Variants in GFRA2 observed in about 807,000 individuals in gnomAD.
GFRA2 encodes GDNF family receptor alpha 2.
A neutral mutation model predicts 48.3 loss-of-function variants in GFRA2; 17 were observed. The observed-to-expected ratio is 0.35, with a 90% CI of 0.24 to 0.53. The LOEUF is 0.53. GFRA2 is among the 20% of genes least tolerant of loss of function. The pLI is 0.93. For missense variants in GFRA2, 660 were observed against 637.3 expected, an observed-to-expected ratio of 1.04 and a Z score of -0.38; for synonymous variants, 305 against 257.2, an observed-to-expected ratio of 1.19 and a Z score of -1.78.
Position 21,693,243 on chromosome 8 carries a change from A to G in GFRA2, c.*35T>C, listed in dbSNP as rs370587230. ...GTCAGGCGGCTGTTCTTGTCTGCGTAGCTTTCAAAAATATTCTGACTCGGT... is the reference window on the plus strand; with the variant it reads ...GTCAGGCGGCTGTTCTTGTCTGCGTGGCTTTCAAAAATATTCTGACTCGGT... On this transcript the variant is annotated 3_prime_UTR_variant, in exon 9 of 9. Coordinates refer to ENST00000524240, the MANE Select transcript of GFRA2 (RefSeq NM_001495.5). 8.4e-5 allele frequency: 134 copies of G among 1,590,690 alleles called. No individual in the cohort carries two copies. Among genetic ancestry groups the G allele is most frequent in the Non-Finnish European group, 1.1e-4 (129 of 1,165,108 alleles).
At chr8:21,792,158 G>A (rs998123952), upstream of GFRA2, among the ~76,000 whole-genome samples, 612 of 152,312 alleles carry the variant, frequency 4.0e-3, 15 homozygotes, top group Admixed American at 0.037. Flanking sequence ...TATGGAGTGG[G>A]TTCTCTGGAT....
At chr8:21,751,972 A>G (rs906280537) in intron 3 of GFRA2, among the ~76,000 whole-genome samples, 1 of 151,982 alleles carries the variant, frequency 6.6e-6, no homozygotes, top group Admixed American at 6.6e-5. Flanking sequence ...TCGGCGTTCA[A>G]CTCCTGGCCC....
chr8:21,779,263 G>T (rs941722933), intron 2 of GFRA2, among the ~76,000 whole-genome samples: 43 of 152,324 alleles, frequency 2.8e-4, no homozygotes, highest in African/African-American at 1.0e-3. Context: ...AAGGGGCCTT[G>T]AAAACCACAC....
chr8:21,726,144 A>G (rs1035540028), intron 4 of GFRA2, among the ~76,000 whole-genome samples: 27 of 151,966 alleles, frequency 1.8e-4, no homozygotes, highest in African/African-American at 6.5e-4. Flanking sequence ...GGTGGACTCC[A>G]CCCCACCGTC....
At chr8:21,700,257 A>ACACGGGCCGGG (rs111558863) in intron 7 of GFRA2, among the ~76,000 whole-genome samples, 4 of 151,798 alleles carry the variant, frequency 2.6e-5, no homozygotes, top group Admixed American at 6.6e-5. Flanking sequence ...TATTTAATAT[A>ACACGGGCCGGG]CCAGAAGGCC....
rs370371337 is a variant in GFRA2, at chr8:21,766,180, C to T, written c.439+8792G>A. On this transcript the variant is annotated intron_variant, in intron 3 of 8. Coordinates refer to ENST00000524240, the MANE Select transcript of GFRA2 (RefSeq NM_001495.5). ...CCACCCAGGCCTTTCGCTAGCTGTTCCATCTGCCATTTCCCTCATCTTCCC... is the reference window on the plus strand; with the variant it reads ...CCACCCAGGCCTTTCGCTAGCTGTTTCATCTGCCATTTCCCTCATCTTCCC... Among the ~76,000 whole-genome samples, 226 of 152,244 alleles carry T rather than the reference C, an allele frequency of 1.5e-3. 1 individual carries two copies. The Middle Eastern group carries it at 0.02, about 14-fold the overall frequency.
At position 21,745,577 on chromosome 8, in the gene GFRA2, C is replaced by T. The variant is rs566167661; in HGVS notation, c.794+5011G>A. On this transcript the variant is annotated intron_variant, in intron 4 of 8. Coordinates refer to ENST00000524240, the MANE Select transcript of GFRA2 (RefSeq NM_001495.5). The stretch of plus-strand genomic sequence containing the variant: ...TTTTCAGAATGAAGATTTCCACCTG[C>T]GGTCAGAAACCTGGAGGAAGTCAAA... Among the ~76,000 whole-genome samples the T allele has an allele frequency of 5.1e-4, 78 of 152,324 alleles. 1 individual carries two copies. The South Asian group carries it at 9.5e-3, about 19-fold the overall frequency.
At chr8:21,745,496 G>C (rs1165288134) in intron 4 of GFRA2, among the ~76,000 whole-genome samples, 1 of 152,228 alleles carries the variant, frequency 6.6e-6, no homozygotes, top group African/African-American at 2.4e-5. Context: ...ACCAGCAAAG[G>C]CAGGTTGGGG....
intron 2 of GFRA2, among the ~76,000 whole-genome samples, chr8:21,803,234 A>T (rs934137217): frequency 1.4e-4 from 21 of 152,334 alleles, no homozygotes; most frequent in Admixed American, 2.0e-4. Context: ...TCATTGAGGC[A>T]AGAGGAGAGA....
rs1338825770 is a variant in GFRA2, at chr8:21,693,226, G to A, written c.*52C>T. On this transcript the variant is annotated 3_prime_UTR_variant, in exon 9 of 9. Transcript: ENST00000524240. ...GTGTGTGTTTCCATTTCGTCAGGCG[G>A]CTGTTCTTGTCTGCGTAGCTTTCAA... 13 of 1,552,492 alleles carry A rather than the reference G, an allele frequency of 8.4e-6. No individual in the cohort carries two copies. Among genetic ancestry groups the A allele is most frequent in the Non-Finnish European group, 1.1e-5 (13 of 1,143,970 alleles).
At chr8:21,788,880 G>A, upstream of GFRA2, 1 of 790,182 alleles carries the variant, frequency 1.3e-6, no homozygotes, top group Non-Finnish European at 1.5e-6. Context: ...GCTCTCCCTC[G>A]CTCTCCTCTC....
rs1450845586 is a variant in GFRA2 at position 21,782,644 on chromosome 8, A to G, written c.296T>C (p.Met99Thr). 6.3e-7 allele frequency: 1 copy of G among 1,586,266 alleles called. No homozygotes were observed. The highest frequency in any genetic ancestry group is 8.6e-7 in the Non-Finnish European group (1 of 1,166,900). ...CTGCAGACACTGCAGCTCCTTCTTCATGCCCCGCTTGCAGCGGCAGTCGTA... is the reference window on the plus strand; with the variant it reads ...CTGCAGACACTGCAGCTCCTTCTTCGTGCCCCGCTTGCAGCGGCAGTCGTA... ...PLYDCRCKRG[M>T]KKELQCLQIY... The change falls in exon 2 of 9, where the codon ATG becomes ACG. Residue 99 changes from methionine to threonine, a missense_variant. Transcript: ENST00000524240.
In GFRA2 at chr8:21,785,573, G is replaced by C. The variant is rs1167293290; in HGVS notation, c.40+2547C>G. On this transcript the variant is annotated intron_variant, in intron 1 of 8. Transcript: ENST00000524240. ...TAGCTGCTAGAGACACAGGGGTAGA[G>C]GGGGGTGGAGAAGCGACACAGGGCT... Among the ~76,000 whole-genome samples the C allele has an allele frequency of 7.9e-5, 12 of 152,316 alleles. No homozygotes were observed. The East Asian group carries it at 1.2e-3, about 15-fold the overall frequency.
At chr8:21,809,017 T>C (rs1310155620) in intron 1 of GFRA2, among the ~76,000 whole-genome samples, 1 of 152,234 alleles carries the variant, frequency 6.6e-6, no homozygotes, top group Non-Finnish European at 1.5e-5. Context: ...ATTTTAAAAA[T>C]ACACTATCTC....
At chr8:21,701,298 G>A (rs1482490332) in intron 7 of GFRA2, among the ~76,000 whole-genome samples, 1 of 152,214 alleles carries the variant, frequency 6.6e-6, no homozygotes, top group East Asian at 1.9e-4. Context: ...GGAGGCTGAG[G>A]CAGGAGAATG....
At chr8:21,735,378 C>G (rs559452119) in intron 4 of GFRA2, among the ~76,000 whole-genome samples, 12 of 152,044 alleles carry the variant, frequency 7.9e-5, no homozygotes, top group Non-Finnish European at 1.8e-4. Context: ...AGCCCCCCCC[C>G]AATCCACCCC....
intron 8 of GFRA2, among the ~76,000 whole-genome samples, chr8:21,694,077 T>TATA (rs1338101835): frequency 0.14 from 15,118 of 109,230 alleles, 2,719 homozygotes; most frequent in African/African-American, 0.29. Context: ...TTATTTATTT[T>TATA]TATATATATA....
At chr8:21,759,624 C>T (rs1378406742) in intron 3 of GFRA2, among the ~76,000 whole-genome samples, 3 of 151,556 alleles carry the variant, frequency 2.0e-5, no homozygotes, top group Non-Finnish European at 2.9e-5. Context: ...TGCAGTGCTT[C>T]ACACCTGTAA....
chr8:21,767,231 CCA>C (rs1806213323), intron 3 of GFRA2, among the ~76,000 whole-genome samples: 4 of 151,060 alleles, frequency 2.6e-5, no homozygotes, highest in African/African-American at 9.8e-5. Context: ...CACACACACA[CCA>C]CCTCACACAC....
Sources: allele counts gnomAD v4.1 joint callset (sites outside exome capture counted in the v4.1 genomes callset), GRCh38; gene constraint gnomAD v4.1.1; transcripts MANE v1.5; gene names NCBI Gene and HGNC (gene_info 2026-07-23, HGNC 2026-07-21).